The following RIMS4 variants were observed in gnomAD, a reference collection of about 807,000 sequenced individuals.
The protein encoded by RIMS4 is regulating synaptic membrane exocytosis protein 4.
In RIMS4, 9 loss-of-function variants were observed where a neutral mutation model predicts 29.0. The ratio of observed to expected loss-of-function variants is 0.31; its 90% CI spans 0.19 to 0.54. The LOEUF (loss-of-function observed/expected upper bound fraction) is 0.54, where lower values mean the gene tolerates loss of function less well. Among genes scored for constraint, RIMS4 ranks in the 20% least tolerant of loss-of-function variants. RIMS4 has a pLI of 0.94. For synonymous variants in RIMS4, 130 were observed against 152.9 expected, an observed-to-expected ratio of 0.85 and a Z score of 1.10; for missense variants, 193 against 365.7, an observed-to-expected ratio of 0.53 and a Z score of 3.85.
At chr20:44,787,155 T>C (rs1163695789) in intron 1 of RIMS4, among the ~76,000 whole-genome samples, 2 of 152,096 alleles carry the variant, frequency 1.3e-5, no homozygotes, top group Non-Finnish European at 2.9e-5. Flanking sequence ...ATGTCTGGTA[T>C]GTTCGAAGGA....
chr20:44,756,816 C>T lies in RIMS4; in HGVS notation c.591+82G>A. The T allele has an allele frequency of 3.5e-6, 5 of 1,414,070 alleles. No individual in the cohort carries two copies. The highest frequency in any genetic ancestry group is 4.7e-6 in the Non-Finnish European group (5 of 1,059,326). The allele number at this position is 1,414,070 out of a possible 1,614,324, so 87.6% of individuals were successfully genotyped here. The stretch of plus-strand genomic sequence containing the variant: ...GAGGCCCTCCAGAGACACCCCCCGC[C>T]AGGGGTGCCCTCCTCTCATTCTGGT... On this transcript the variant is annotated intron_variant, in intron 5 of 5. Transcript: ENST00000372851. The surrounding 1 kb of genome is among the most constrained non-coding windows in gnomAD (Gnocchi z 5.9).
chr20:44,781,674 A>C (rs1400734375), intron 1 of RIMS4, among the ~76,000 whole-genome samples: 1 of 152,172 alleles, frequency 6.6e-6, no homozygotes, highest in African/African-American at 2.4e-5. Flanking sequence ...CCTCGAGCCA[A>C]TGTGGAAAGA....
At chr20:44,778,947 T>C (rs2066171953) in intron 1 of RIMS4, among the ~76,000 whole-genome samples, 1 of 152,206 alleles carries the variant, frequency 6.6e-6, no homozygotes, top group South Asian at 2.1e-4. Context: ...CTCTACTCAG[T>C]GGCCTGCCTG....
chr20:44,787,237 G>A (rs1262542643), intron 1 of RIMS4, among the ~76,000 whole-genome samples: 1 of 152,106 alleles, frequency 6.6e-6, no homozygotes, highest in Non-Finnish European at 1.5e-5. Flanking sequence ...TGGGGCAGGA[G>A]GAGAGGGCAG....
intron 1 of RIMS4, among the ~76,000 whole-genome samples, chr20:44,797,817 G>A (rs1395753102): frequency 2.6e-5 from 4 of 152,206 alleles, no homozygotes; most frequent in Non-Finnish European, 5.9e-5. Context: ...TCAGAGCCTT[G>A]CCATGTGTCT....
chr20:44,764,574 A>G (rs1010519999), intron 2 of RIMS4, among the ~76,000 whole-genome samples: 26 of 152,240 alleles, frequency 1.7e-4, no homozygotes, highest in African/African-American at 4.8e-4. Flanking sequence ...TGAGGTGGTG[A>G]GGGAAAAACT....
intron 1 of RIMS4, among the ~76,000 whole-genome samples, chr20:44,778,156 T>G (rs2066168604): frequency 1.3e-5 from 2 of 152,250 alleles, no homozygotes; most frequent in Non-Finnish European, 2.9e-5. Context: ...AGCACTGATG[T>G]TGCCTCTGGC....
At chr20:44,795,431 C>T (rs1441534437) in intron 1 of RIMS4, among the ~76,000 whole-genome samples, 8 of 152,136 alleles carry the variant, frequency 5.3e-5, no homozygotes, top group East Asian at 3.9e-4. Flanking sequence ...GTCAGGAGAT[C>T]GAGACCATCC....
At chr20:44,759,000 T>C (rs993857299) in intron 2 of RIMS4, among the ~76,000 whole-genome samples, 23 of 152,208 alleles carry the variant, frequency 1.5e-4, no homozygotes, top group African/African-American at 5.5e-4. Flanking sequence ...ACAAAGATAA[T>C]TTTATTATTT....
At chr20:44,765,346 G>A (rs570376215) in intron 2 of RIMS4, among the ~76,000 whole-genome samples, 3 of 152,256 alleles carry the variant, frequency 2.0e-5, no homozygotes, top group East Asian at 1.9e-4. Context: ...CTCACTAGTC[G>A]TGGAGGCACA....
intron 2 of RIMS4, among the ~76,000 whole-genome samples, chr20:44,769,329 A>G (rs1018810890): frequency 1.6e-4 from 25 of 152,172 alleles, no homozygotes; most frequent in Admixed American, 4.6e-4. Context: ...TGCAGGTTTG[A>G]CTTCTCTGCT....
At chr20:44,806,710 G>A (rs144853519) in intron 1 of RIMS4, among the ~76,000 whole-genome samples, 7 of 152,264 alleles carry the variant, frequency 4.6e-5, no homozygotes, top group African/African-American at 1.7e-4. Flanking sequence ...TAAGACTTCT[G>A]CACAGCACAA....
At chr20:44,795,618 C>T (rs1347493317) in intron 1 of RIMS4, among the ~76,000 whole-genome samples, 1 of 151,398 alleles carries the variant, frequency 6.6e-6, no homozygotes, top group African/African-American at 2.4e-5. Flanking sequence ...GGAGACAGAG[C>T]GAGACTCCAT....
At chr20:44,804,185 A>G (rs1385249728) in intron 1 of RIMS4, among the ~76,000 whole-genome samples, 2 of 152,258 alleles carry the variant, frequency 1.3e-5, no homozygotes, top group Non-Finnish European at 2.9e-5. Context: ...CTACCCCTTC[A>G]GGTTGCCATA....
chr20:44,779,112 C>A (rs778784253), intron 1 of RIMS4, among the ~76,000 whole-genome samples: 10 of 152,218 alleles, frequency 6.6e-5, no homozygotes, highest in South Asian at 2.1e-4. Flanking sequence ...TCTCTACATT[C>A]TATTCACAAT....
chr20:44,766,748 G>A (rs2066115334), intron 2 of RIMS4, among the ~76,000 whole-genome samples: 1 of 152,130 alleles, frequency 6.6e-6, no homozygotes, highest in Non-Finnish European at 1.5e-5. Flanking sequence ...GTGCACCCAG[G>A]CAGTGTAGCA....
At chr20:44,790,753 G>T (rs895313811) in intron 1 of RIMS4, among the ~76,000 whole-genome samples, 2 of 152,222 alleles carry the variant, frequency 1.3e-5, no homozygotes, top group Admixed American at 1.3e-4. Flanking sequence ...CAGGTTGGAA[G>T]GAGACAGAAC....
intron 1 of RIMS4, among the ~76,000 whole-genome samples, chr20:44,773,562 C>T (rs866363598): frequency 3.3e-5 from 5 of 152,258 alleles, no homozygotes; most frequent in Middle Eastern, 3.4e-3. Flanking sequence ...CACACACCTG[C>T]CTCGGCTCCC....
chr20:44,809,009 T>C (rs1353413075), intron 1 of RIMS4, among the ~76,000 whole-genome samples: 1 of 152,186 alleles, frequency 6.6e-6, no homozygotes, highest in African/African-American at 2.4e-5. Flanking sequence ...CTCCAGCACA[T>C]ACACTCCTCT....
Sources: gnomAD v4.1 joint callset for allele counts (sites outside exome capture counted in the v4.1 genomes callset) on GRCh38, gnomAD v4.1.1 for gene constraint, Gnocchi (gnomAD v3.1) non-coding constraint, MANE v1.5 for transcripts, NCBI Gene and HGNC (gene_info 2026-07-23, HGNC 2026-07-21) for gene names.